TMEM132C: variants seen among roughly 807,000 people sequenced by gnomAD.
The protein encoded by TMEM132C is transmembrane protein 132C.
TMEM132C carries 29 observed loss-of-function variants against 61.4 expected under a neutral mutation model. That is an observed-to-expected ratio of 0.47 (90% CI 0.35 to 0.64). The LOEUF is 0.64. Ranked by LOEUF, TMEM132C falls within the 30% of genes least tolerant of loss-of-function variation. The pLI is 0.00. For synonymous variants in TMEM132C, 656 were observed against 633.1 expected, an observed-to-expected ratio of 1.04 and a Z score of -0.54; for missense variants, 1,408 against 1,476.9, an observed-to-expected ratio of 0.95 and a Z score of 0.76.
chr12:128,349,884 C>T (rs1327233478), intron 1 of TMEM132C, among the ~76,000 whole-genome samples: 13 of 150,370 alleles, frequency 8.6e-5, no homozygotes, highest in Non-Finnish European at 1.9e-4. Context: ...TCCAGAGTGC[C>T]TCTGGCTCTC....
chr12:128,442,411 GGA>G (rs1869828827), intron 2 of TMEM132C, among the ~76,000 whole-genome samples: 1 of 152,180 alleles, frequency 6.6e-6, no homozygotes, highest in Admixed American at 6.5e-5. Flanking sequence ...AGAACCATCT[GGA>G]GAGAGAGAGT....
At chr12:128,599,436 A>G (rs7963766) in intron 3 of TMEM132C, among the ~76,000 whole-genome samples, 62,398 of 152,084 alleles carry the variant, frequency 0.41, 13,143 homozygotes, top group Middle Eastern at 0.45. Context: ...GGCAGCGATG[A>G]TGGCCAGGGC....
chr12:128,576,223 C>T (rs1457890058), intron 3 of TMEM132C, among the ~76,000 whole-genome samples: 3 of 151,234 alleles, frequency 2.0e-5, no homozygotes, highest in Non-Finnish European at 4.4e-5. Flanking sequence ...CACTGCACTC[C>T]AGCCTGGGTA....
chr12:128,665,554 GGC>G (rs200846667), intron 4 of TMEM132C, among the ~76,000 whole-genome samples: 7,792 of 124,878 alleles, frequency 0.062, 638 homozygotes, highest in African/African-American at 0.21. Flanking sequence ...CAAAAATACA[GGC>G]GCACACACAC....
chr12:128,597,016 C>T (rs1565985976), intron 3 of TMEM132C, among the ~76,000 whole-genome samples: 1 of 152,216 alleles, frequency 6.6e-6, no homozygotes, highest in South Asian at 2.1e-4. Flanking sequence ...AGTAGCTCGG[C>T]CTTTCAACAG....
chr12:128,486,915 ACAC>A (rs1321734832), intron 2 of TMEM132C, among the ~76,000 whole-genome samples: 1 of 118,594 alleles, frequency 8.4e-6, no homozygotes, highest in Non-Finnish European at 1.9e-5. Flanking sequence ...ACACACACAC[ACAC>A]ACAGCTCAGC....
chr12:128,665,621 GCACACA>G (rs139344256), intron 4 of TMEM132C, among the ~76,000 whole-genome samples: 4 of 120,180 alleles, frequency 3.3e-5, no homozygotes, highest in Non-Finnish European at 5.3e-5. Flanking sequence ...CCAAACACAG[GCACACA>G]CACACACACA....
Position 128,351,985 on chromosome 12 carries a change from C to G in TMEM132C, c.86-62747C>G, listed in dbSNP as rs149603508. ...AAGGTGAGTCAGTGATCTGTAGGCC[C>G]AGGAGAGCCAGTGTTCCTGTCTGAA... On this transcript the variant is annotated intron_variant, in intron 1 of 8. Transcript: ENST00000435159. Among the ~76,000 whole-genome samples, 453 of 152,236 alleles carry G rather than the reference C, an allele frequency of 3.0e-3. 5 individuals are homozygous for G. The highest frequency in any genetic ancestry group is 0.01 in the African/African-American group (428 of 41,530).
intron 5 of TMEM132C, among the ~76,000 whole-genome samples, chr12:128,677,639 G>T (rs1292413155): frequency 6.6e-6 from 1 of 152,098 alleles, no homozygotes. Flanking sequence ...ACCCCACCCT[G>T]TGCCCCCTGG....
At chr12:128,302,526 C>G (rs1236176549) in intron 1 of TMEM132C, among the ~76,000 whole-genome samples, 1 of 152,192 alleles carries the variant, frequency 6.6e-6, no homozygotes, top group Admixed American at 6.5e-5. Flanking sequence ...GTCCAGAAGA[C>G]ACAGTTGTTA....
chr12:128,688,042 C>T (rs117541207), intron 5 of TMEM132C, among the ~76,000 whole-genome samples: 2,288 of 152,294 alleles, frequency 0.015, 51 homozygotes, highest in South Asian at 0.096. Context: ...CCGAGTGGCC[C>T]CTGGGGGATG....
intron 1 of TMEM132C, among the ~76,000 whole-genome samples, chr12:128,339,839 G>A (rs1872900150): frequency 6.6e-6 from 1 of 152,124 alleles, no homozygotes; most frequent in Non-Finnish European, 1.5e-5. Context: ...CACACCTCCG[G>A]GATATCAACC....
chr12:128,365,563 T>C (rs1873839843), intron 1 of TMEM132C, among the ~76,000 whole-genome samples: 1 of 152,170 alleles, frequency 6.6e-6, no homozygotes, highest in Non-Finnish European at 1.5e-5. Flanking sequence ...ATTTCTGAAT[T>C]CTCTTTTCTT....
At chr12:128,638,281 A>C (rs1954118263) in intron 4 of TMEM132C, among the ~76,000 whole-genome samples, 1 of 152,154 alleles carries the variant, frequency 6.6e-6, no homozygotes, top group African/African-American at 2.4e-5. Context: ...TTCCAGGCAA[A>C]CATCATCAGT....
At chr12:128,559,743 A>G (rs1168324710) in intron 3 of TMEM132C, among the ~76,000 whole-genome samples, 1 of 152,162 alleles carries the variant, frequency 6.6e-6, no homozygotes, top group East Asian at 1.9e-4. Context: ...AAGCTCTAGC[A>G]TGGTATTTGT....
At chr12:128,591,460 G>A (rs956848550) in intron 3 of TMEM132C, among the ~76,000 whole-genome samples, 13 of 152,110 alleles carry the variant, frequency 8.5e-5, no homozygotes, top group East Asian at 1.9e-4. Context: ...ACATCCCAGC[G>A]TGTGGATAGA....
intron 1 of TMEM132C, among the ~76,000 whole-genome samples, chr12:128,315,881 G>A (rs537425275): frequency 2.0e-5 from 3 of 151,996 alleles, no homozygotes; most frequent in East Asian, 1.9e-4. Context: ...AAGCACAGCC[G>A]GAGCCATCCG....
intron 8 of TMEM132C, among the ~76,000 whole-genome samples, chr12:128,703,302 C>G (rs1371416401): frequency 7.0e-6 from 1 of 142,278 alleles, no homozygotes; most frequent in Non-Finnish European, 1.6e-5. Context: ...TGGTCCCACC[C>G]TCCACCCTCC....
rs1243514936 is a variant in TMEM132C, at chr12:128,647,015, G to A, written c.1306-22402G>A. ...GCATTGGATGTGAGTGTGTTTACTG[G>A]AGTCCATCAGCGTTGGATGTGAGTG... On this transcript the variant is annotated intron_variant, in intron 4 of 8. Coordinates refer to ENST00000435159, the MANE Select transcript of TMEM132C (RefSeq NM_001136103.3). 5.3e-5 allele frequency among the ~76,000 whole-genome samples: 8 copies of A among 151,944 alleles called. No homozygotes were observed. In the East Asian group the frequency reaches 5.8e-4, roughly 11 times the overall value.
Sources: gnomAD v4.1 joint callset for allele counts (sites outside exome capture counted in the v4.1 genomes callset) on GRCh38, gnomAD v4.1.1 for gene constraint, MANE v1.5 for transcripts, NCBI Gene and HGNC (gene_info 2026-07-23, HGNC 2026-07-21) for gene names.